CERKL: variants seen among roughly 807,000 people sequenced by gnomAD.
The protein encoded by CERKL is ceramide kinase-like protein.
A neutral mutation model predicts 63.4 loss-of-function variants in CERKL; 61 were observed. The ratio of observed to expected loss-of-function variants is 0.96; its 90% CI spans 0.78 to 1.19. The LOEUF (loss-of-function observed/expected upper bound fraction) is 1.19. CERKL is among the 50% of genes most tolerant of loss of function. The pLI is 0.00. For missense variants in CERKL, 675 were observed against 655.5 expected (o/e 1.03, Z -0.33); for synonymous variants, 250 against 230.5 (o/e 1.08, Z -0.77).
chr2:181,656,975 C>G lies in CERKL; in HGVS notation c.32G>C (p.Ser11Thr), dbSNP rs1184938752. 4 of 1,583,908 alleles carry G rather than the reference C, an allele frequency of 2.5e-6. No individual in the cohort carries two copies. The African/African-American group carries it at 5.4e-5, about 21-fold the overall frequency. The change falls in exon 1 of 13, where the codon AGT becomes ACT. Residue 11 changes from serine (S) to threonine (T), a missense_variant. Transcript: ENST00000410087. Reference protein sequence around the residue: MPWRRRRNRVSALEGGREEEA... With the variant: MPWRRRRNRVTALEGGREEEA... ...TTCCTCCCGGCCGCCCTCCAGGGCA[C>G]TCACCCGGTTCCTGCGCCTCCTCCA...
chr2:181,641,490 A>ACGAAATATGTTAAAGGACTCTG (rs1687442442), intron 1 of CERKL, among the ~76,000 whole-genome samples: 3 of 151,896 alleles, frequency 2.0e-5, no homozygotes, highest in African/African-American at 7.2e-5. Flanking sequence ...TGGCCAGCCC[A>ACGAAATATGTTAAAGGACTCTG]CGAAATATGT....
intron 2 of CERKL, among the ~76,000 whole-genome samples, chr2:181,574,138 C>CA (rs1019188136): frequency 7.9e-5 from 12 of 151,322 alleles, no homozygotes; most frequent in South Asian, 2.1e-4. Context: ...AAGGAAGATG[C>CA]AAAAAAAAGA....
At chr2:181,554,551 T>A (rs1297489808) in intron 5 of CERKL, among the ~76,000 whole-genome samples, 1 of 152,164 alleles carries the variant, frequency 6.6e-6, no homozygotes, top group East Asian at 1.9e-4. Flanking sequence ...CAGGCTTTTT[T>A]CTCCATTCCC....
At chr2:181,610,376 T>G (rs907173716) in intron 1 of CERKL, among the ~76,000 whole-genome samples, 2 of 152,204 alleles carry the variant, frequency 1.3e-5, no homozygotes, top group African/African-American at 2.4e-5. Flanking sequence ...GTAGCCCCAG[T>G]GCTGGTGGGA....
At chr2:181,637,699 T>C (rs1054174897) in intron 1 of CERKL, among the ~76,000 whole-genome samples, 2 of 152,144 alleles carry the variant, frequency 1.3e-5, no homozygotes, top group African/African-American at 4.8e-5. Flanking sequence ...ATATAGTTTG[T>C]TTAGTAGATT....
rs1184525860 is a variant in CERKL, at chr2:181,564,256, T to C, written c.677+1802A>G. On this transcript the variant is annotated intron_variant, in intron 4 of 12. Transcript: ENST00000410087. The stretch of plus-strand genomic sequence containing the variant: ...AAAAGGCCACTGACTGATATTCATC[T>C]GCAGTCTCGGAGTTGGGGACCCCTG... 7.9e-5 allele frequency among the ~76,000 whole-genome samples: 12 copies of C among 152,250 alleles called. No homozygotes were observed. The East Asian group carries it at 2.3e-3, about 29-fold the overall frequency.
intron 5 of CERKL, among the ~76,000 whole-genome samples, chr2:181,555,025 A>G (rs1397218532): frequency 6.6e-6 from 1 of 152,190 alleles, no homozygotes; most frequent in Non-Finnish European, 1.5e-5. Flanking sequence ...TATCCAAAGA[A>G]TACATAAAAT....
intron 2 of CERKL, among the ~76,000 whole-genome samples, chr2:181,590,261 C>G (rs1044865146): frequency 6.6e-6 from 1 of 152,106 alleles, no homozygotes; most frequent in Non-Finnish European, 1.5e-5. Flanking sequence ...CCTCAGCCTC[C>G]TGAGTAGCTG....
rs575421367 is a variant in CERKL at position 181,591,787 on chromosome 2, C to A, written c.481+12050G>T. 9.9e-5 allele frequency among the ~76,000 whole-genome samples: 15 copies of A among 152,174 alleles called. No homozygotes were observed. In the South Asian group the frequency reaches 3.1e-3, roughly 32 times the overall value. ...ACTTATGATTTCTAATAAATATGTC[C>A]TAACTCCGTCAGCTACAAGAGTCTA... On this transcript the variant is annotated intron_variant, in intron 2 of 12. Transcript: ENST00000410087.
At chr2:181,595,868 T>G (rs570830717) in intron 2 of CERKL, among the ~76,000 whole-genome samples, 1 of 152,308 alleles carries the variant, frequency 6.6e-6, no homozygotes, top group East Asian at 1.9e-4. Flanking sequence ...GCTATTATTA[T>G]GAAGATTTAA....
rs141941041 is a variant in CERKL at position 181,629,883 on chromosome 2, G to T, written c.239-25804C>A. On this transcript the variant is annotated intron_variant, in intron 1 of 12. Transcript: ENST00000410087. ...CCATCTTTCCAAGCCATTTTAATATGTTCCTTCTCACTTAACAATTCTTTA... is the reference window on the plus strand; with the variant it reads ...CCATCTTTCCAAGCCATTTTAATATTTTCCTTCTCACTTAACAATTCTTTA... 5.9e-3 allele frequency among the ~76,000 whole-genome samples: 871 copies of T among 146,922 alleles called. 4 individuals are homozygous for T. Among genetic ancestry groups the T allele is most frequent in the Non-Finnish European group, 9.6e-3 (647 of 67,190 alleles).
chr2:181,543,921 T>C (rs1213342214), intron 11 of CERKL, among the ~76,000 whole-genome samples: 17 of 147,728 alleles, frequency 1.2e-4, no homozygotes, highest in Admixed American at 9.0e-4. Context: ...GAGGTGGAGG[T>C]TGCAGTGAGC....
At chr2:181,597,163 A>C (rs927342587) in intron 2 of CERKL, among the ~76,000 whole-genome samples, 2 of 152,330 alleles carry the variant, frequency 1.3e-5, no homozygotes, top group African/African-American at 4.8e-5. Flanking sequence ...ACATGCTATC[A>C]GTCCAAGATA....
In CERKL at chr2:181,618,008, G is replaced by A. The variant is rs572348058; in HGVS notation, c.239-13929C>T. 2.0e-5 allele frequency among the ~76,000 whole-genome samples: 3 copies of A among 152,278 alleles called. No homozygotes were observed. In the South Asian group the frequency reaches 6.2e-4, roughly 32 times the overall value. ...ATTTCAGCTGTCTTCTATTAAGCCAGAGTTGAAAAAACTCAGAAAGTCAAA... is the reference window on the plus strand; with the variant it reads ...ATTTCAGCTGTCTTCTATTAAGCCAAAGTTGAAAAAACTCAGAAAGTCAAA... On this transcript the variant is annotated intron_variant, in intron 1 of 12. Coordinates refer to ENST00000410087, the MANE Select transcript of CERKL (RefSeq NM_201548.5).
intron 2 of CERKL, among the ~76,000 whole-genome samples, chr2:181,588,611 G>A (rs565893795): frequency 6.6e-5 from 10 of 152,230 alleles, no homozygotes; most frequent in South Asian, 4.1e-4. Context: ...ATTCCCAGTC[G>A]TGGAATTGCT....
At chr2:181,538,833 T>C (rs939478578) in intron 12 of CERKL, among the ~76,000 whole-genome samples, 1 of 152,198 alleles carries the variant, frequency 6.6e-6, no homozygotes, top group Non-Finnish European at 1.5e-5. Context: ...CTGTAGTTTA[T>C]GCACAACAAT....
chr2:181,573,533 A>T (rs1489250476), intron 3 of CERKL, among the ~76,000 whole-genome samples: 6 of 152,216 alleles, frequency 3.9e-5, no homozygotes, highest in African/African-American at 7.2e-5. Flanking sequence ...GTCTGAAAAA[A>T]TATCTGAAAA....
chr2:181,547,769 C>A (rs1251387396), intron 9 of CERKL, 43 bp from the exon 10 acceptor site: 1 of 1,613,832 alleles, frequency 6.2e-7, no homozygotes, highest in East Asian at 2.2e-5. Context: ...CTCACCAGAA[C>A]AAAATGTCAA....
chr2:181,635,468 A>G (rs1036777577), intron 1 of CERKL, among the ~76,000 whole-genome samples: 1 of 152,162 alleles, frequency 6.6e-6, no homozygotes, highest in African/African-American at 2.4e-5. Flanking sequence ...GAAATTTTAA[A>G]ATGTATTATG....
Sources: gnomAD v4.1 joint callset for allele counts (sites outside exome capture counted in the v4.1 genomes callset) on GRCh38, gnomAD v4.1.1 for gene constraint, MANE v1.5 for transcripts, NCBI Gene and HGNC (gene_info 2026-07-23, HGNC 2026-07-21) for gene names.